The following MAP1A variants were observed in gnomAD, a reference collection of about 807,000 sequenced individuals.
MAP1A encodes microtubule associated protein 1A.
In MAP1A, 42 loss-of-function variants were observed where a neutral mutation model predicts 185.9. The observed-to-expected ratio is 0.23, with a 90% CI of 0.18 to 0.29. MAP1A has a LOEUF of 0.29. Ranked by LOEUF, MAP1A falls within the 10% of genes least tolerant of loss-of-function variation. The pLI is 1.00. For synonymous variants in MAP1A, 1,229 were observed against 1,335.9 expected (o/e 0.92, Z 1.74); for missense variants, 2,995 against 3,450.4 (o/e 0.87, Z 3.31).
chr15:43,523,464 T>G lies in MAP1A; in HGVS notation c.1991T>G (p.Val664Gly). 1 of 1,613,630 alleles carries G rather than the reference T, an allele frequency of 6.2e-7. No individual in the cohort carries two copies. Among genetic ancestry groups the G allele is most frequent in the Non-Finnish European group, 8.5e-7 (1 of 1,179,888 alleles). ...EKAELEEMEE[V>G]HPSDEEEEDA... The stretch of plus-strand genomic sequence containing the variant: ...GCTGAGTTAGAAGAAATGGAGGAGG[T>G]ACACCCTTCAGATGAGGAGGAAGAG... The change falls in exon 4 of 6, where the codon GTA (valine) becomes GGA (glycine). Residue 664 changes from valine to glycine, a missense_variant. By Grantham distance (109) the Val-to-Gly change is moderately radical. This residue lies in a region of MAP1A where 2,728 missense variants were observed against 2,986.0 expected (regional missense o/e 0.91). Coordinates refer to ENST00000300231, the MANE Select transcript of MAP1A (RefSeq NM_002373.6).
rs773825534 is a variant in MAP1A at position 43,524,839 on chromosome 15, G to A, written c.3366G>A (p.Leu1122=). The change falls in exon 4 of 6, where the codon TTG becomes TTA. Residue 1122 remains leucine, a synonymous_variant. Coordinates refer to ENST00000300231, the MANE Select transcript of MAP1A (RefSeq NM_002373.6). The part of the protein sequence containing the change: ...ILGAEALPGG[L]RTLPQEPGKP... The stretch of plus-strand genomic sequence containing the variant: ...GAGCAGAAGCCCTTCCCGGAGGTTT[G>A]AGGACTTTACCCCAAGAACCTGGCA... 3.7e-6 allele frequency: 6 copies of A among 1,614,160 alleles called. No homozygotes were observed. In the East Asian group the frequency reaches 6.7e-5, roughly 18 times the overall value.
Position 43,524,206 on chromosome 15 carries a change from C to A in MAP1A, c.2733C>A (p.Pro911=), listed in dbSNP as rs368651386. ...AAGACAAGGGCTTCAAATCACCACC[C>A]TGTGAGGACTTCTCTGTGACTGGGG... The part of the protein sequence containing the change: ...LEEDKGFKSP[P]CEDFSVTGES... Residue 911 remains proline, a synonymous_variant, in exon 4 of 6, where the codon CCC becomes CCA. Transcript: ENST00000300231. 198 of 1,614,092 alleles carry A rather than the reference C, an allele frequency of 1.2e-4. 1 individual carries two copies. In the African/African-American group the frequency reaches 1.4e-3, roughly 11 times the overall value.
rs1195915258 is a variant in MAP1A at position 43,528,671 on chromosome 15, A to G, written c.7198A>G (p.Ser2400Gly). The G allele has an allele frequency of 6.2e-7, 1 of 1,613,468 alleles. No homozygotes were observed. The highest frequency in any genetic ancestry group is 8.5e-7 in the Non-Finnish European group (1 of 1,179,914). ...RGAWPEGAERSSRPDTLLSPE... is the reference protein window; with the variant it reads ...RGAWPEGAERGSRPDTLLSPE... ...GGCCTGGCCTGAAGGAGCTGAGAGG[A>G]GCTCCCGGCCTGACACATTGCTCTC... The change falls in exon 4 of 6, where the codon AGC becomes GGC. Residue 2400 changes from serine (S) to glycine (G), a missense_variant. By Grantham distance (56) the Ser-to-Gly change is moderately conservative (BLOSUM62 0). Transcript: ENST00000300231.
chr15:43,512,290 AG>A lies in MAP1A; in HGVS notation c.340+1del. 6.6e-7 allele frequency: 1 copy of A among 1,526,426 alleles called. No homozygotes were observed. The allele number at this position is 1,526,426 out of a possible 1,614,324, so 94.6% of individuals were successfully genotyped here. ...TAGCTCACTTCTCCTCAGAGGTCAA[AG>A]GTTAGGACTAATGTTTTATTTCAGT... On this transcript the variant is annotated frameshift_variant and splice_region_variant, in exon 2 of 7. Transcript: ENST00000382031. LOFTEE classifies it high-confidence loss of function.
chr15:43,520,592 A>T (rs893818055), intron 1 of MAP1A, 49 bp from the exon 2 acceptor site: 1 of 1,232,670 alleles, frequency 8.1e-7, no homozygotes, highest in Non-Finnish European at 1.2e-6. Context: ...CTCCTGCACC[A>T]CAATTTCTAT....
At position 43,528,903 on chromosome 15, in the gene MAP1A, G is replaced by C. The variant is rs371166820; in HGVS notation, c.7430G>C (p.Gly2477Ala). ...GAGGAAGTTCGGCTAGTAGGAAGAG[G>C]GGGGCGGCGCCGGGTAGGGGGGCCA... ...STEEVRLVGR[G>A]GRRRVGGPGT... Residue 2477 changes from glycine (G) to alanine (A), a missense_variant, in exon 4 of 6, where the codon GGG becomes GCG. By Grantham distance (60) the Gly-to-Ala change is moderately conservative. Around this residue, in one of 3 missense-constraint regions of MAP1A, gnomAD observed 2,728 missense variants for 2,986.0 expected, o/e 0.91. Transcript: ENST00000300231. 1 of 1,613,046 alleles carries C rather than the reference G, an allele frequency of 6.2e-7. No individual in the cohort carries two copies. Among genetic ancestry groups the C allele is most frequent in the African/African-American group, 1.3e-5 (1 of 74,924 alleles).
chr15:43,519,991 G>C (rs529966824), intron 1 of MAP1A, among the ~76,000 whole-genome samples: 17 of 152,332 alleles, frequency 1.1e-4, no homozygotes, highest in Admixed American at 8.5e-4. Context: ...ATGTGTATTA[G>C]TGCGGGCTTG....
Position 43,522,188 on chromosome 15 carries a change from A to G in MAP1A, c.715A>G (p.Ile239Val), listed in dbSNP as rs868318538. Residue 239 changes from isoleucine to valine, a missense_variant, in exon 4 of 6, where the codon ATC (isoleucine) becomes GTC (valine). By Grantham distance (29) the Ile-to-Val change is conservative (BLOSUM62 3). Coordinates refer to ENST00000300231, the MANE Select transcript of MAP1A (RefSeq NM_002373.6). This position sits in a 1 kb window ranked among gnomAD's most constrained non-coding sequence, Gnocchi z 5.9. The stretch of plus-strand genomic sequence containing the variant: ...GCTGCCCAATGGGAAGGAGGCTGAG[A>G]TCTCCGTGCCCTACCTTACCTCTAT... ...IVLPNGKEAE[I>V]SVPYLTSITA... is the part of the protein sequence containing the mutation. 1 of 1,614,246 alleles carries G rather than the reference A, an allele frequency of 6.2e-7. No individual in the cohort carries two copies. Among genetic ancestry groups the G allele is most frequent in the Middle Eastern group, 1.6e-4 (1 of 6,062 alleles).
At position 43,523,493 on chromosome 15, in the gene MAP1A, G is replaced by C. The variant is rs376517161; in HGVS notation, c.2020G>C (p.Ala674Pro). The C allele has an allele frequency of 6.2e-7, 1 of 1,614,036 alleles. No individual in the cohort carries two copies. Among genetic ancestry groups the C allele is most frequent in the Non-Finnish European group, 8.5e-7 (1 of 1,179,978 alleles). ...CCCTTCAGATGAGGAGGAAGAGGACGCGACAAAAGCTGAGGGTTTTTACCA... is the reference window on the plus strand; with the variant it reads ...CCCTTCAGATGAGGAGGAAGAGGACCCGACAAAAGCTGAGGGTTTTTACCA... ...VHPSDEEEED[A>P]TKAEGFYQKH... The change falls in exon 4 of 6, where the codon GCG becomes CCG. Residue 674 changes from alanine (A) to proline (P), a missense_variant. Ala to Pro is a conservative substitution (Grantham distance 27). Coordinates refer to ENST00000300231, the MANE Select transcript of MAP1A (RefSeq NM_002373.6).
chr15:43,523,353 A>T lies in MAP1A; in HGVS notation c.1880A>T (p.Lys627Met). 1 of 1,610,016 alleles carries T rather than the reference A, an allele frequency of 6.2e-7. No individual in the cohort carries two copies. The part of the protein sequence containing the change: ...EEEKDTWEEK[K>M]QREAERLPDR... ...GAGAAAGATACCTGGGAGGAAAAGA[A>T]GCAGAGGGAAGCAGAGAGGCTCCCA... The change falls in exon 4 of 6, where the codon AAG (lysine) becomes ATG (methionine). Residue 627 changes from lysine (K) to methionine (M), a missense_variant. This residue lies in a region of MAP1A where 2,728 missense variants were observed against 2,986.0 expected (regional missense o/e 0.91). Coordinates refer to ENST00000300231, the MANE Select transcript of MAP1A (RefSeq NM_002373.6).
Position 43,530,127 on chromosome 15 carries a change from A to G in MAP1A, c.8315A>G (p.His2772Arg). 6.2e-7 allele frequency: 1 copy of G among 1,613,946 alleles called. No homozygotes were observed. The highest frequency in any genetic ancestry group is 8.5e-7 in the Non-Finnish European group (1 of 1,179,808). ...EVTREWYQQT[H>R]EQQQQLNVLV... ...ACTCGTGAGTGGTACCAACAAACTC[A>G]TGAGCAGCAGCAACAACTGAATGTC... The change falls in exon 6 of 6, where the codon CAT (histidine) becomes CGT (arginine). Residue 2772 changes from histidine (H) to arginine (R), a missense_variant. Coordinates refer to ENST00000300231, the MANE Select transcript of MAP1A (RefSeq NM_002373.6).
chr15:43,515,284 C>T (rs999820149), upstream of MAP1A, among the ~76,000 whole-genome samples: 5 of 152,152 alleles, frequency 3.3e-5, no homozygotes, highest in Admixed American at 6.6e-5. Flanking sequence ...TTTCCACTGA[C>T]GGACTTAGGA....
chr15:43,517,357 A>G (rs1371999672), upstream of MAP1A, among the ~76,000 whole-genome samples: 1 of 152,082 alleles, frequency 6.6e-6, no homozygotes, highest in African/African-American at 2.4e-5. Flanking sequence ...GCTGATGCCA[A>G]AAGAATATTT....
rs1682962284 is a variant in MAP1A at position 43,528,359 on chromosome 15, G to A, written c.6886G>A (p.Ala2296Thr). 3 of 1,613,908 alleles carry A rather than the reference G, an allele frequency of 1.9e-6. No homozygotes were observed. Among genetic ancestry groups the A allele is most frequent in the Admixed American group, 1.7e-5 (1 of 60,010 alleles). Residue 2296 changes from alanine (A) to threonine (T), a missense_variant, in exon 4 of 6, where the codon GCT becomes ACT. Physicochemically the swap from Ala to Thr is moderately conservative, Grantham distance 58. This residue lies in a region of MAP1A where 2,728 missense variants were observed against 2,986.0 expected (regional missense o/e 0.91). Coordinates refer to ENST00000300231, the MANE Select transcript of MAP1A (RefSeq NM_002373.6). ...SGELDPGMEP[A>T]AHSLWDLTPL... ...AGAGCTGGACCCAGGAATGGAACCA[G>A]CTGCCCACAGCCTCTGGGACCTCAC...
intron 1 of MAP1A, among the ~76,000 whole-genome samples, chr15:43,517,991 T>A (rs1396033673): frequency 1.3e-5 from 2 of 152,114 alleles, no homozygotes; most frequent in African/African-American, 4.8e-5. Flanking sequence ...TGGCTCTGCC[T>A]GACAGCCCAG....
At position 43,523,402 on chromosome 15, in the gene MAP1A, A is replaced by C. The variant is rs935266607; in HGVS notation, c.1929A>C (p.Glu643Asp). Residue 643 changes from glutamate to aspartate, a missense_variant, in exon 4 of 6, where the codon GAA (glutamate) becomes GAC (aspartate). Coordinates refer to ENST00000300231, the MANE Select transcript of MAP1A (RefSeq NM_002373.6). ...CAGACAGAACAGAAGCCAGAGAGGA[A>C]AGTGAACCTGAAGTAAAGGAGGATG... ...RLPDRTEARE[E>D]SEPEVKEDVI... is the part of the protein sequence containing the mutation. 1 of 1,613,024 alleles carries C rather than the reference A, an allele frequency of 6.2e-7. No homozygotes were observed. Among genetic ancestry groups the C allele is most frequent in the Non-Finnish European group, 8.5e-7 (1 of 1,179,396 alleles).
At position 43,523,373 on chromosome 15, in the gene MAP1A, C is replaced by T. The variant is rs1337329659; in HGVS notation, c.1900C>T (p.Leu634Phe). 7.4e-6 allele frequency: 12 copies of T among 1,611,244 alleles called. No individual in the cohort carries two copies. Among genetic ancestry groups the T allele is most frequent in the Non-Finnish European group, 1.0e-5 (12 of 1,178,652 alleles). The change falls in exon 4 of 6, where the codon CTC (leucine) becomes TTC (phenylalanine). Residue 634 changes from leucine (L) to phenylalanine (F), a missense_variant. Around this residue, in one of 3 missense-constraint regions of MAP1A, gnomAD observed 2,728 missense variants for 2,986.0 expected, o/e 0.91. Transcript: ENST00000300231. The part of the protein sequence containing the change: ...EEKKQREAER[L>F]PDRTEAREES... ...AAAGAAGCAGAGGGAAGCAGAGAGG[C>T]TCCCAGACAGAACAGAAGCCAGAGA...
In MAP1A at chr15:43,521,890, G is replaced by C. The variant is rs569332527; in HGVS notation, c.417G>C (p.Val139=). 1 of 1,614,154 alleles carries C rather than the reference G, an allele frequency of 6.2e-7. No individual in the cohort carries two copies. The highest frequency in any genetic ancestry group is 1.3e-5 in the African/African-American group (1 of 75,042). The change falls in exon 4 of 6, where the codon GTG becomes GTC. Residue 139 remains valine (V), a synonymous_variant. Transcript: ENST00000300231. This position sits in a 1 kb window ranked among gnomAD's most constrained non-coding sequence, Gnocchi z 4.6. The part of the protein sequence containing the change: ...SPELGVVFFN[V]PEKLRLPDAS... Reference sequence around the variant, plus strand: ...AGCTTGGAGTTGTCTTTTTCAACGTGCCTGAGAAGCTGCGGCTTCCTGATG... The same window carrying C: ...AGCTTGGAGTTGTCTTTTTCAACGTCCCTGAGAAGCTGCGGCTTCCTGATG...
Position 43,525,124 on chromosome 15 carries a change from C to G in MAP1A, c.3651C>G (p.Leu1217=), listed in dbSNP as rs780691383. 1 of 1,614,220 alleles carries G rather than the reference C, an allele frequency of 6.2e-7. No individual in the cohort carries two copies. Among genetic ancestry groups the G allele is most frequent in the South Asian group, 1.1e-5 (1 of 91,088 alleles). ...ETSLDVSSKQ[L]SPESLGTLQF... ...CCCTGGATGTCTCTTCTAAGCAGCTCTCTCCAGAAAGCCTTGGCACCCTCC... is the reference window on the plus strand; with the variant it reads ...CCCTGGATGTCTCTTCTAAGCAGCTGTCTCCAGAAAGCCTTGGCACCCTCC... Residue 1217 remains leucine (L), a synonymous_variant, in exon 4 of 6, where the codon CTC becomes CTG. Coordinates refer to ENST00000300231, the MANE Select transcript of MAP1A (RefSeq NM_002373.6).
Sources: gnomAD v4.1 joint callset for allele counts (sites outside exome capture counted in the v4.1 genomes callset) on GRCh38, gnomAD v4.1.1 for gene constraint, gnomAD v4.1.1 regional missense constraint, Gnocchi (gnomAD v3.1) non-coding constraint, MANE v1.5 for transcripts, NCBI Gene and HGNC (gene_info 2026-07-23, HGNC 2026-07-21) for gene names.